PTGFRN: variants seen among roughly 807,000 people sequenced by gnomAD.
PTGFRN encodes the protein prostaglandin F2 receptor negative regulator.
PTGFRN carries 35 observed loss-of-function variants against 83.2 expected under a neutral mutation model. The ratio of observed to expected loss-of-function variants is 0.42; its 90% CI spans 0.32 to 0.56. PTGFRN has a LOEUF of 0.56. Ranked by LOEUF, PTGFRN falls within the 20% of genes least tolerant of loss-of-function variation. The probability of loss-of-function intolerance (pLI) is 0.11; values close to 1 mark genes in which losing one functional copy is unlikely to be tolerated. For synonymous variants in PTGFRN, 519 were observed against 498.6 expected, an observed-to-expected ratio of 1.04 and a Z score of -0.55; for missense variants, 1,051 against 1,179.5, an observed-to-expected ratio of 0.89 and a Z score of 1.60.
chr1:116,945,902 T>C (rs749881558), intron 3 of PTGFRN, among the ~76,000 whole-genome samples: 7 of 152,190 alleles, frequency 4.6e-5, no homozygotes, highest in Admixed American at 1.3e-4. Context: ...TGTGCTCAGC[T>C]CTGTTCTGGG....
chr1:116,940,270 TCC>T (rs1201436426), intron 1 of PTGFRN, among the ~76,000 whole-genome samples: 1 of 152,186 alleles, frequency 6.6e-6, no homozygotes. Flanking sequence ...GAGAATCTGT[TCC>T]GTGCTTCTCC....
intron 5 of PTGFRN, among the ~76,000 whole-genome samples, chr1:116,964,684 A>T (rs1482445634): frequency 6.6e-6 from 1 of 152,116 alleles, no homozygotes; most frequent in African/African-American, 2.4e-5. Flanking sequence ...TGCCTCCTTG[A>T]CACTACTTGA....
intron 4 of PTGFRN, among the ~76,000 whole-genome samples, chr1:116,955,228 C>G (rs1170783127): frequency 1.3e-5 from 2 of 152,212 alleles, no homozygotes; most frequent in African/African-American, 4.8e-5. Flanking sequence ...CAGACACCTT[C>G]CTGGCATCCA....
intron 4 of PTGFRN, among the ~76,000 whole-genome samples, chr1:116,953,620 C>T (rs891166657): frequency 6.6e-6 from 1 of 151,900 alleles, no homozygotes; most frequent in Non-Finnish European, 1.5e-5. Context: ...GTCTTCCCCA[C>T]CAAGTTCTTA....
chr1:116,911,161 G>T (rs1030086367), intron 1 of PTGFRN, among the ~76,000 whole-genome samples: 1 of 152,116 alleles, frequency 6.6e-6, no homozygotes, highest in Non-Finnish European at 1.5e-5. Context: ...GCCCACCATG[G>T]TACCCCAGGG....
chr1:116,938,235 T>C (rs1250849499), intron 1 of PTGFRN, among the ~76,000 whole-genome samples: 1 of 152,142 alleles, frequency 6.6e-6, no homozygotes, highest in Non-Finnish European at 1.5e-5. Context: ...AGGCTGGGCA[T>C]GGTGGCTATA....
intron 1 of PTGFRN, among the ~76,000 whole-genome samples, chr1:116,917,126 T>C (rs1238859040): frequency 6.6e-6 from 1 of 151,976 alleles, no homozygotes; most frequent in African/African-American, 2.4e-5. Flanking sequence ...AGAGAAGCCC[T>C]TGGATATGGG....
chr1:116,981,391 G>A (rs1241969932), intron 7 of PTGFRN, among the ~76,000 whole-genome samples: 1 of 152,154 alleles, frequency 6.6e-6, no homozygotes, highest in African/African-American at 2.4e-5. Flanking sequence ...AGGCCAAATT[G>A]TACAGAGGTC....
At position 116,923,533 on chromosome 1, in the gene PTGFRN, G is replaced by A. The variant is rs192487523; in HGVS notation, c.49+13281G>A. Among the ~76,000 whole-genome samples the A allele has an allele frequency of 1.3e-5, 2 of 152,200 alleles. No individual in the cohort carries two copies. The highest frequency in any genetic ancestry group is 4.8e-5 in the African/African-American group (2 of 41,522). Reference sequence around the variant, plus strand: ...AGATGACTCATGAGTTCTCATTATTGTTTCTCCACTGCCTCCACCCCTTCC... The same window carrying A: ...AGATGACTCATGAGTTCTCATTATTATTTCTCCACTGCCTCCACCCCTTCC... On this transcript the variant is annotated intron_variant, in intron 1 of 8. Coordinates refer to ENST00000393203, the MANE Select transcript of PTGFRN (RefSeq NM_020440.4). The surrounding 1 kb of genome is among the most constrained non-coding windows in gnomAD (Gnocchi z 4.0).
At chr1:116,919,257 C>G (rs1170763822) in intron 1 of PTGFRN, among the ~76,000 whole-genome samples, 1 of 152,100 alleles carries the variant, frequency 6.6e-6, no homozygotes, top group African/African-American at 2.4e-5. Context: ...GGGGAAAAGG[C>G]AGTAACCTAT....
chr1:116,984,082 C>T (rs1651393859), intron 7 of PTGFRN, among the ~76,000 whole-genome samples: 1 of 152,222 alleles, frequency 6.6e-6, no homozygotes, highest in Non-Finnish European at 1.5e-5. Context: ...CTCAGCTTGA[C>T]ATTTTTTTTC....
At position 116,987,237 on chromosome 1, in the gene PTGFRN, AT is replaced by A. The variant is rs3841437; in HGVS notation, c.*278del. 4 of 348,818 alleles carry A rather than the reference AT, an allele frequency of 1.1e-5. No individual in the cohort carries two copies. The highest frequency in any genetic ancestry group is 4.4e-5 in the Admixed American group (1 of 22,804). The allele number at this position is 348,818 out of a possible 1,614,324, so 21.6% of individuals were successfully genotyped here. A position where few individuals can be genotyped will look rare whatever the true frequency, so the allele number is the denominator to read the frequency against. ...CTTTTTAATGGTTAACCTTCATCTA[AT>A]TTTTTTTCTCCCACTGGTTTATAGA... On this transcript the variant is annotated 3_prime_UTR_variant, in exon 9 of 9. Coordinates refer to ENST00000393203, the MANE Select transcript of PTGFRN (RefSeq NM_020440.4).
intron 1 of PTGFRN, among the ~76,000 whole-genome samples, chr1:116,919,428 G>T (rs2250951): frequency 0.17 from 25,431 of 151,896 alleles, 4,416 homozygotes; most frequent in African/African-American, 0.44. Flanking sequence ...AAGAGAGGGG[G>T]TCTCTGTCAC....
chr1:116,983,498 CAAAAA>C (rs71096893), intron 7 of PTGFRN, among the ~76,000 whole-genome samples: 18 of 104,006 alleles, frequency 1.7e-4, no homozygotes, highest in South Asian at 6.1e-4. Flanking sequence ...ACACTGGGAA[CAAAAA>C]AAAAAAAAAA....
intron 1 of PTGFRN, among the ~76,000 whole-genome samples, chr1:116,925,851 A>G (rs1390726286): frequency 6.6e-6 from 1 of 152,220 alleles, no homozygotes; most frequent in Non-Finnish European, 1.5e-5. Flanking sequence ...GTAGGCGTGC[A>G]GCAAAAAAAT....
intron 4 of PTGFRN, among the ~76,000 whole-genome samples, chr1:116,955,916 G>A (rs888725551): frequency 2.0e-5 from 3 of 152,152 alleles, no homozygotes; most frequent in African/African-American, 7.2e-5. Context: ...GGGATTTGTT[G>A]AATACGAAAT....
chr1:116,979,917 C>T (rs1651262835), intron 7 of PTGFRN, among the ~76,000 whole-genome samples: 1 of 152,112 alleles, frequency 6.6e-6, no homozygotes, highest in Admixed American at 6.5e-5. Flanking sequence ...AAGAAACTAC[C>T]ATCAGAGTGA....
intron 1 of PTGFRN, among the ~76,000 whole-genome samples, chr1:116,938,298 G>A (rs1023596707): frequency 1.3e-5 from 2 of 152,142 alleles, no homozygotes; most frequent in Admixed American, 6.5e-5. Flanking sequence ...CCGTTTTCAC[G>A]CTGCTGATAA....
At chr1:116,971,015 A>AT (rs1192816199) in intron 6 of PTGFRN, among the ~76,000 whole-genome samples, 5 of 152,324 alleles carry the variant, frequency 3.3e-5, no homozygotes, top group Admixed American at 3.3e-4. Context: ...TCTTCGTAAT[A>AT]TATAGAAAAT....
Sources: allele counts gnomAD v4.1 joint callset (sites outside exome capture counted in the v4.1 genomes callset), GRCh38; gene constraint gnomAD v4.1.1; non-coding constraint Gnocchi (gnomAD v3.1); transcripts MANE v1.5; gene names NCBI Gene and HGNC (gene_info 2026-07-23, HGNC 2026-07-21).